STX8: variants seen among roughly 807,000 people sequenced by gnomAD.
STX8 encodes the protein syntaxin-8.
Under a neutral mutation model 37.5 loss-of-function variants are expected in STX8, and 23 were observed. The observed-to-expected ratio is 0.61, with a 90% CI of 0.44 to 0.87. The LOEUF (loss-of-function observed/expected upper bound fraction) is 0.87, where lower values mean the gene tolerates loss of function less well. Ranked by LOEUF, STX8 falls within the 40% of genes least tolerant of loss-of-function variation. STX8 has a pLI of 0.00. For missense variants in STX8, 313 were observed against 284.7 expected, an observed-to-expected ratio of 1.10 and a Z score of -0.71; for synonymous variants, 115 against 99.1, an observed-to-expected ratio of 1.16 and a Z score of -0.95.
chr17:9,348,722 A>G (rs139886862), intron 7 of STX8, among the ~76,000 whole-genome samples: 60 of 152,314 alleles, frequency 3.9e-4, no homozygotes, highest in Admixed American at 2.7e-3. Context: ...CCACACTGTG[A>G]TAACTTTCAG....
At chr17:9,561,691 A>G (rs1043165324) in intron 2 of STX8, among the ~76,000 whole-genome samples, 1 of 150,314 alleles carries the variant, frequency 6.7e-6, no homozygotes, top group East Asian at 2.0e-4. Context: ...AAAAAAGAAT[A>G]GATATTCAAG....
At chr17:9,257,919 G>A (rs1906863792) in intron 7 of STX8, among the ~76,000 whole-genome samples, 1 of 152,236 alleles carries the variant, frequency 6.6e-6, no homozygotes, top group African/African-American at 2.4e-5. Context: ...AACCCGGGAG[G>A]AGGAGGTTGC....
chr17:9,456,167 T>C (rs1905181238), intron 6 of STX8, among the ~76,000 whole-genome samples: 1 of 152,040 alleles, frequency 6.6e-6, no homozygotes, highest in African/African-American at 2.4e-5. Context: ...GATAAGAGAA[T>C]TCCTATTTTC....
At chr17:9,504,068 C>A (rs1281024021) in intron 5 of STX8, among the ~76,000 whole-genome samples, 1 of 149,950 alleles carries the variant, frequency 6.7e-6, no homozygotes, top group Admixed American at 6.7e-5. Flanking sequence ...CCAGCCGACA[C>A]ATACTAAGTT....
chr17:9,472,223 C>G (rs1020089640), intron 6 of STX8, among the ~76,000 whole-genome samples: 13 of 152,090 alleles, frequency 8.5e-5, no homozygotes, highest in Non-Finnish European at 1.9e-4. Flanking sequence ...TCTCTGAGGC[C>G]GAAACAAAAG....
chr17:9,529,494 A>C (rs1905724506), intron 4 of STX8, among the ~76,000 whole-genome samples: 1 of 152,202 alleles, frequency 6.6e-6, no homozygotes, highest in Non-Finnish European at 1.5e-5. Flanking sequence ...CAAAGTGAAT[A>C]CCCACAGTTA....
At chr17:9,404,438 T>C (rs1025963374) in intron 6 of STX8, among the ~76,000 whole-genome samples, 1 of 151,334 alleles carries the variant, frequency 6.6e-6, no homozygotes, top group Non-Finnish European at 1.5e-5. Context: ...GAAGGGTCCA[T>C]GTCATAAAAG....
In STX8 at chr17:9,312,350, CG is replaced by C. The variant is rs1237585370; in HGVS notation, c.644-61706del. On this transcript the variant is annotated intron_variant, in intron 7 of 7. Coordinates refer to ENST00000306357, the MANE Select transcript of STX8 (RefSeq NM_004853.3). ...CTGAGTAGCTGGGATTACAGGCATGCGCCACCACGCCCAGCTAATTTTGTAT... is the reference window on the plus strand; with the variant it reads ...CTGAGTAGCTGGGATTACAGGCATGCCCACCACGCCCAGCTAATTTTGTAT... Among the ~76,000 whole-genome samples the C allele has an allele frequency of 3.3e-5, 5 of 151,952 alleles. No homozygotes were observed. The South Asian group carries it at 8.3e-4, about 25-fold the overall frequency.
At chr17:9,474,232 A>G (rs1906004821) in intron 6 of STX8, among the ~76,000 whole-genome samples, 1 of 152,140 alleles carries the variant, frequency 6.6e-6, no homozygotes, top group South Asian at 2.1e-4. Context: ...CTTGCCCTAT[A>G]TACTGTGCCT....
At chr17:9,251,601 C>A (rs955725202) in intron 7 of STX8, among the ~76,000 whole-genome samples, 1 of 152,186 alleles carries the variant, frequency 6.6e-6, no homozygotes, top group Non-Finnish European at 1.5e-5. Context: ...GGGAGAGCCA[C>A]GTGTGCAGGG....
chr17:9,429,415 A>C (rs1399275677), intron 6 of STX8, among the ~76,000 whole-genome samples: 2 of 145,164 alleles, frequency 1.4e-5, no homozygotes, highest in Admixed American at 1.4e-4. Context: ...AAATATATGT[A>C]AATAGGCCAG....
intron 4 of STX8, among the ~76,000 whole-genome samples, chr17:9,532,151 C>T (rs1905844495): frequency 6.6e-6 from 1 of 150,870 alleles, no homozygotes; most frequent in South Asian, 2.1e-4. Flanking sequence ...CCTTTCCTAT[C>T]CCATGGTGAG....
chr17:9,421,232 A>C (rs1343867330), intron 6 of STX8, among the ~76,000 whole-genome samples: 1 of 151,732 alleles, frequency 6.6e-6, no homozygotes, highest in Non-Finnish European at 1.5e-5. Context: ...GTCTCTACTA[A>C]ATATACGAAA....
At chr17:9,353,926 TA>T (rs66922110) in intron 7 of STX8, among the ~76,000 whole-genome samples, 2 of 152,196 alleles carry the variant, frequency 1.3e-5, no homozygotes, top group East Asian at 1.9e-4. Context: ...CAAGTAATCC[TA>T]AAAAAAGGTT....
At chr17:9,272,478 A>C (rs1008964320) in intron 7 of STX8, among the ~76,000 whole-genome samples, 3 of 152,224 alleles carry the variant, frequency 2.0e-5, no homozygotes, top group Non-Finnish European at 2.9e-5. Context: ...TTATATTTCT[A>C]GAGCACCTGA....
intron 7 of STX8, among the ~76,000 whole-genome samples, chr17:9,277,508 T>C (rs956170636): frequency 6.6e-6 from 1 of 152,118 alleles, no homozygotes; most frequent in African/African-American, 2.4e-5. Flanking sequence ...CCAGGTACCA[T>C]GTTAGGTTCT....
At chr17:9,434,424 G>A (rs1268188019) in intron 6 of STX8, among the ~76,000 whole-genome samples, 2 of 152,214 alleles carry the variant, frequency 1.3e-5, no homozygotes, top group African/African-American at 4.8e-5. Context: ...GTTAGCAGAG[G>A]GGAAGACAGA....
intron 6 of STX8, among the ~76,000 whole-genome samples, chr17:9,485,098 G>A (rs1034258523): frequency 2.0e-5 from 3 of 150,544 alleles, no homozygotes; most frequent in Middle Eastern, 6.8e-3. Flanking sequence ...AGTCCAGCCT[G>A]AGCAACATGC....
intron 6 of STX8, among the ~76,000 whole-genome samples, chr17:9,473,234 G>T (rs2142441640): frequency 6.6e-6 from 1 of 152,064 alleles, no homozygotes; most frequent in African/African-American, 2.4e-5. Flanking sequence ...GGCCAGGCTG[G>T]TCTCGAACTC....
Sources: allele counts gnomAD v4.1 joint callset (sites outside exome capture counted in the v4.1 genomes callset), GRCh38; gene constraint gnomAD v4.1.1; transcripts MANE v1.5; gene names NCBI Gene and HGNC (gene_info 2026-07-23, HGNC 2026-07-21).